Variants in HAPLN1 observed in about 807,000 individuals in gnomAD.
The protein encoded by HAPLN1 is hyaluronan and proteoglycan link protein 1.
HAPLN1 carries 13 observed loss-of-function variants against 36.5 expected under a neutral mutation model. The observed-to-expected ratio is 0.36, with a 90% CI of 0.23 to 0.57. The LOEUF (loss-of-function observed/expected upper bound fraction) is 0.57. Ranked by LOEUF, HAPLN1 falls within the 20% of genes least tolerant of loss-of-function variation. HAPLN1 has a pLI of 0.83. For synonymous variants in HAPLN1, 202 were observed against 169.8 expected (o/e 1.19, Z -1.48); for missense variants, 407 against 439.7 (o/e 0.93, Z 0.66).
chr5:83,718,481 T>C (rs1751961093), intron 1 of HAPLN1, among the ~76,000 whole-genome samples: 1 of 152,220 alleles, frequency 6.6e-6, no homozygotes, highest in Non-Finnish European at 1.5e-5. Flanking sequence ...TATTAATTTA[T>C]ACCACCTCGT....
intron 1 of HAPLN1, 60 bp downstream of exon 1, chr5:83,720,729 T>C (rs144938331): frequency 9.2e-5 from 14 of 152,348 alleles, no homozygotes; most frequent in African/African-American, 3.4e-4. Flanking sequence ...TATTGCCCTC[T>C]GAAATCTTAA....
intron 1 of HAPLN1, chr5:83,675,228 A>C (rs1462370001): frequency 1.3e-5 from 2 of 152,154 alleles, no homozygotes; most frequent in Admixed American, 6.5e-5. Context: ...GGCCTTTTGG[A>C]ATTTGGAATA....
At chr5:83,695,415 C>A (rs1252654404) in intron 1 of HAPLN1, among the ~76,000 whole-genome samples, 1 of 151,772 alleles carries the variant, frequency 6.6e-6, no homozygotes, top group African/African-American at 2.4e-5. Context: ...TGTGAGCCAC[C>A]ACACCCAGCC....
chr5:83,678,752 G>T (rs1203063023), intron 1 of HAPLN1, among the ~76,000 whole-genome samples: 2 of 152,086 alleles, frequency 1.3e-5, no homozygotes, highest in Admixed American at 1.3e-4. Context: ...AGGAAGAAAA[G>T]GCCACTCAAA....
In HAPLN1 at chr5:83,652,657, T is replaced by C. The variant is rs200926519; in HGVS notation, c.268A>G (p.Lys90Glu). ...ATGGAAACAAAAACATCCACTTCCT[T>C]GAGGTAATCCGAAGTTAGCTTGGTC... The part of the protein sequence containing the change: ...KWTKLTSDYL[K>E]EVDVFVSMGY... Residue 90 changes from lysine (K) to glutamate (E), a missense_variant, in exon 3 of 5, where the codon AAG (lysine) becomes GAG (glutamate). Transcript: ENST00000274341. 2.5e-6 allele frequency: 4 copies of C among 1,614,008 alleles called. No homozygotes were observed. The highest frequency in any genetic ancestry group is 3.4e-6 in the Non-Finnish European group (4 of 1,180,018).
intron 1 of HAPLN1, among the ~76,000 whole-genome samples, chr5:83,711,860 T>G (rs183323925): frequency 1.3e-5 from 2 of 152,236 alleles, no homozygotes; most frequent in East Asian, 3.9e-4. Context: ...CTGGAAATGT[T>G]AAGTTCATGA....
chr5:83,675,446 G>A (rs1317625037), intron 1 of HAPLN1: 1 of 152,076 alleles, frequency 6.6e-6, no homozygotes, highest in Non-Finnish European at 1.5e-5. Flanking sequence ...CTAAATTAAT[G>A]TTCACGTTAG....
At chr5:83,641,815 G>T (rs1233561531) in intron 4 of HAPLN1, 30 bp from the exon 5 acceptor site, 2 of 1,600,490 alleles carry the variant, frequency 1.2e-6, no homozygotes, top group Admixed American at 1.7e-5. Context: ...GAGTCAATGG[G>T]CTGGTCTTCA....
At position 83,673,408 on chromosome 5, in the gene HAPLN1, A is replaced by G. The variant is rs762296938; in HGVS notation, c.100+16T>C. 4 of 1,513,232 alleles carry G rather than the reference A, an allele frequency of 2.6e-6. No individual in the cohort carries two copies. The South Asian group carries it at 3.7e-5, about 14-fold the overall frequency. The allele number at this position is 1,513,232 out of a possible 1,614,324, so 93.7% of individuals were successfully genotyped here. On this transcript the variant is annotated intron_variant, in intron 2 of 4. Transcript: ENST00000274341. ...AAATTAATTAGGCTTTGATAAGAGA[A>G]GCTGTGTTTCCTTACCTTGGATGTG...
At chr5:83,690,449 G>A (rs1247111822) in intron 1 of HAPLN1, among the ~76,000 whole-genome samples, 3 of 152,010 alleles carry the variant, frequency 2.0e-5, no homozygotes, top group African/African-American at 7.2e-5. Context: ...GGTCACGGGA[G>A]AAACATCTGT....
In HAPLN1 at chr5:83,637,993, T is replaced by C. The variant is rs1749564145; in HGVS notation, c.*3503A>G. The C allele has an allele frequency of 6.7e-6, 1 of 150,188 alleles. No homozygotes were observed. Among genetic ancestry groups the C allele is most frequent in the South Asian group, 2.1e-4 (1 of 4,744 alleles). The allele number at this position is 150,188 out of a possible 1,614,324, so 9.3% of individuals were successfully genotyped here. On this transcript the variant is annotated 3_prime_UTR_variant, in exon 5 of 5. Coordinates refer to ENST00000274341, the MANE Select transcript of HAPLN1 (RefSeq NM_001884.4). Reference sequence around the variant, plus strand: ...TATTTTGGGATAATACTATAGTTGATTTAGCGACACCATATAAATGCTCTT... The same window carrying C: ...TATTTTGGGATAATACTATAGTTGACTTAGCGACACCATATAAATGCTCTT...
chr5:83,706,080 T>A (rs1751640593), intron 1 of HAPLN1, among the ~76,000 whole-genome samples: 1 of 124,754 alleles, frequency 8.0e-6, no homozygotes. Context: ...TAAAATTGAA[T>A]CAGTAATAAA....
intron 1 of HAPLN1, among the ~76,000 whole-genome samples, chr5:83,695,956 A>T (rs1373078423): frequency 6.6e-6 from 1 of 152,060 alleles, no homozygotes; most frequent in East Asian, 1.9e-4. Context: ...AATAGAAGTC[A>T]AACAGATTGG....
intron 1 of HAPLN1, among the ~76,000 whole-genome samples, chr5:83,683,444 T>C (rs941197768): frequency 6.6e-6 from 1 of 152,198 alleles, no homozygotes; most frequent in African/African-American, 2.4e-5. Flanking sequence ...CTCTCTTCCA[T>C]AATTTTCACA....
chr5:83,702,739 C>G (rs2112630784), intron 1 of HAPLN1, among the ~76,000 whole-genome samples: 1 of 98,046 alleles, frequency 1.0e-5, no homozygotes, highest in East Asian at 2.5e-4. Flanking sequence ...TTTCCCCCAA[C>G]AGTTTTCCTT....
chr5:83,650,435 A>T (rs1444240153), intron 3 of HAPLN1, among the ~76,000 whole-genome samples: 1 of 152,158 alleles, frequency 6.6e-6, no homozygotes, highest in Non-Finnish European at 1.5e-5. Context: ...TGTTGAATGA[A>T]AGAGCAAAGA....
intron 1 of HAPLN1, among the ~76,000 whole-genome samples, chr5:83,680,846 A>G (rs1228817401): frequency 6.6e-6 from 1 of 152,204 alleles, no homozygotes; most frequent in Non-Finnish European, 1.5e-5. Flanking sequence ...GATCATCAAA[A>G]ATAAAATCAC....
intron 1 of HAPLN1, among the ~76,000 whole-genome samples, chr5:83,678,776 G>A (rs1185216405): frequency 6.6e-6 from 1 of 152,150 alleles, no homozygotes; most frequent in East Asian, 1.9e-4. Context: ...AAGAGGAAGG[G>A]CAGTAAAAAA....
rs1387852950 is a variant in HAPLN1, at chr5:83,638,421, G to C, written c.*3075C>G. 2.6e-5 allele frequency: 4 copies of C among 152,014 alleles called. No homozygotes were observed. Among genetic ancestry groups the C allele is most frequent in the Non-Finnish European group, 5.9e-5 (4 of 67,918 alleles). 9.4% of individuals were successfully genotyped at this position (152,014 alleles called of 1,614,324 possible). A position where few individuals can be genotyped will look rare whatever the true frequency, so the allele number is the denominator to read the frequency against. ...TCCATTGCCGCTCTGGCAGTAGTGA[G>C]CTACGATACAGTTAACTTCTTAACA... On this transcript the variant is annotated 3_prime_UTR_variant, in exon 5 of 5. Transcript: ENST00000274341.
Sources: gnomAD v4.1 joint callset for allele counts (sites outside exome capture counted in the v4.1 genomes callset) on GRCh38, gnomAD v4.1.1 for gene constraint, MANE v1.5 for transcripts, NCBI Gene and HGNC (gene_info 2026-07-23, HGNC 2026-07-21) for gene names.